MYO10: variants seen among roughly 807,000 people sequenced by gnomAD.
The protein encoded by MYO10 is myosin X.
A neutral mutation model predicts 257.3 loss-of-function variants in MYO10; 133 were observed. The ratio of observed to expected loss-of-function variants is 0.52; its 90% CI spans 0.45 to 0.60. MYO10 has a LOEUF of 0.60. Among genes scored for constraint, MYO10 ranks in the 20% least tolerant of loss-of-function variants. MYO10 has a pLI of 0.00. For synonymous variants in MYO10, 1,104 were observed against 1,028.6 expected (o/e 1.07, Z -1.40); for missense variants, 2,399 against 2,635.7 (o/e 0.91, Z 1.97).
At chr5:16,813,803 A>G (rs1580019009) in intron 3 of MYO10, among the ~76,000 whole-genome samples, 2 of 152,272 alleles carry the variant, frequency 1.3e-5, no homozygotes, top group South Asian at 2.1e-4. Flanking sequence ...AGTCAGAGAG[A>G]GAGAAAGAAG....
rs995325611 is a variant in MYO10 at position 16,741,946 on chromosome 5, G to A, written c.1929+12882C>T. ...GTGTTCCCAGCCTTTTATGTGGTGC[G>A]TCTCGGGCTGTGCTGCTTAATTCAT... On this transcript the variant is annotated intron_variant, in intron 19 of 40. Coordinates refer to ENST00000513610, the MANE Select transcript of MYO10 (RefSeq NM_012334.3). 15 of 985,340 alleles carry A rather than the reference G, an allele frequency of 1.5e-5. No individual in the cohort carries two copies. The African/African-American group carries it at 1.6e-4, about 10-fold the overall frequency. 61.0% of individuals were successfully genotyped at this position (985,340 alleles called of 1,614,324 possible).
At chr5:16,835,848 A>T (rs1396532552) in intron 2 of MYO10, among the ~76,000 whole-genome samples, 2 of 152,028 alleles carry the variant, frequency 1.3e-5, no homozygotes, top group Non-Finnish European at 2.9e-5. Flanking sequence ...AAAAACATTA[A>T]TATCATGCTC....
At chr5:16,883,066 C>A (rs1407028002) in intron 1 of MYO10, among the ~76,000 whole-genome samples, 3 of 151,928 alleles carry the variant, frequency 2.0e-5, no homozygotes, top group Admixed American at 2.0e-4. Context: ...CAGGTGCCCA[C>A]CACCACGCCT....
chr5:16,741,071 T>C (rs1199327292), intron 19 of MYO10, among the ~76,000 whole-genome samples: 1 of 152,214 alleles, frequency 6.6e-6, no homozygotes, highest in Non-Finnish European at 1.5e-5. Flanking sequence ...CCAGGGCACA[T>C]TTAGCAACTG....
In MYO10 at chr5:16,680,089, G is replaced by A. The variant is rs755760482; in HGVS notation, c.4400C>T (p.Thr1467Ile). 5.6e-6 allele frequency: 9 copies of A among 1,612,160 alleles called. No individual in the cohort carries two copies. In the Admixed American group the frequency reaches 1.2e-4, roughly 21 times the overall value. ...GTAACAGTGCTTGCGCCCGTACACGGTGACGTTCCAGTAGCCTGCAATGGC... is the reference window on the plus strand; with the variant it reads ...GTAACAGTGCTTGCGCCCGTACACGATGACGTTCCAGTAGCCTGCAATGGC... ...IFKETGYWNV[T>I]VYGRKHCYRL... Residue 1467 changes from threonine (T) to isoleucine (I), a missense_variant, in exon 33 of 41, where the codon ACC (threonine) becomes ATC (isoleucine). Coordinates refer to ENST00000513610, the MANE Select transcript of MYO10 (RefSeq NM_012334.3).
chr5:16,694,671 GACA>G, intron 26 of MYO10, 57 bp from the exon 27 acceptor site: 2 of 1,596,998 alleles, frequency 1.3e-6, no homozygotes, highest in Non-Finnish European at 1.7e-6. Flanking sequence ...CAAGTTGGAT[GACA>G]ACAACATGCA....
chr5:16,826,238 G>C (rs1742996898), intron 2 of MYO10, among the ~76,000 whole-genome samples: 1 of 151,918 alleles, frequency 6.6e-6, no homozygotes, highest in African/African-American at 2.4e-5. Context: ...TTTCTAGCTG[G>C]ATTGACCTCT....
chr5:16,804,859 T>C (rs894363067), intron 3 of MYO10, among the ~76,000 whole-genome samples: 3 of 152,030 alleles, frequency 2.0e-5, no homozygotes, highest in African/African-American at 7.2e-5. Flanking sequence ...AAGGCTGTAG[T>C]GAGCCATGAC....
At chr5:16,690,252 T>C (rs2126520899) in intron 27 of MYO10, among the ~76,000 whole-genome samples, 1 of 152,340 alleles carries the variant, frequency 6.6e-6, no homozygotes, top group Non-Finnish European at 1.5e-5. Context: ...TGGGAGAATA[T>C]GCATAGGTTA....
At chr5:16,820,602 GC>G (rs565692653) in intron 2 of MYO10, among the ~76,000 whole-genome samples, 178 of 152,180 alleles carry the variant, frequency 1.2e-3, no homozygotes, top group African/African-American at 4.2e-3. Flanking sequence ...TCCCTCTCCA[GC>G]CCCTGCAAAC....
intron 1 of MYO10, among the ~76,000 whole-genome samples, chr5:16,899,381 T>A (rs918464494): frequency 2.0e-5 from 3 of 151,960 alleles, no homozygotes; most frequent in Non-Finnish European, 4.4e-5. Flanking sequence ...ACGCCTGTAA[T>A]CCCGGCACTT....
At chr5:16,762,390 A>G (rs904978314) in intron 15 of MYO10, among the ~76,000 whole-genome samples, 155 bp downstream of exon 15, 1 of 152,194 alleles carries the variant, frequency 6.6e-6, no homozygotes, top group African/African-American at 2.4e-5. Context: ...GCTTATTTCA[A>G]TTTAGTTCTA....
chr5:16,769,343 T>C, intron 9 of MYO10, 140 bp from the exon 10 acceptor site: 1 of 995,700 alleles, frequency 1.0e-6, no homozygotes, highest in Non-Finnish European at 1.4e-6. Context: ...CACTCACTTG[T>C]TTTTTTGTTT....
At chr5:16,827,564 G>A (rs1328532761) in intron 2 of MYO10, among the ~76,000 whole-genome samples, 1 of 152,212 alleles carries the variant, frequency 6.6e-6, no homozygotes, top group Non-Finnish European at 1.5e-5. Flanking sequence ...TGGGATTACA[G>A]GCGTGAGCCA....
intron 3 of MYO10, among the ~76,000 whole-genome samples, chr5:16,805,164 G>T (rs1414800721): frequency 1.3e-5 from 2 of 151,988 alleles, no homozygotes; most frequent in Non-Finnish European, 2.9e-5. Flanking sequence ...CAAAGATAAA[G>T]TGTGGTAAGA....
rs1422920540 is a variant in MYO10 at position 16,902,659 on chromosome 5, G to C, written c.22-24952C>G. ...TTTGTCATCTTGGAAGCATGGACCG[G>C]AGAGAGGCCCGGCTAATTTTTTGTA... On this transcript the variant is annotated intron_variant, in intron 1 of 40. Coordinates refer to ENST00000513610, the MANE Select transcript of MYO10 (RefSeq NM_012334.3). 1.1e-5 allele frequency: 13 copies of C among 1,210,082 alleles called. No individual in the cohort carries two copies. In the East Asian group the frequency reaches 2.8e-4, roughly 26 times the overall value. 75.0% of individuals were successfully genotyped at this position (1,210,082 alleles called of 1,614,324 possible).
Position 16,689,825 on chromosome 5 carries a change from TG to T in MYO10, c.3894del (p.Ser1299AlafsTer7). The T allele has an allele frequency of 6.2e-7, 1 of 1,610,082 alleles. No homozygotes were observed. Among genetic ancestry groups the T allele is most frequent in the Non-Finnish European group, 8.5e-7 (1 of 1,176,424 alleles). Reference protein sequence around the residue: ...FHLIAESPEDASQWFSVLSQV... With the variant: ...FHLIAESPEDXSQWFSVLSQV... ...ACAAAGTCAACAGCGCAGACTCACC[TG>T]GCATCTTCTGGGGACTCTGCAATCA... On this transcript the variant is annotated frameshift_variant and splice_region_variant, in exon 28 of 41. Coordinates refer to ENST00000513610, the MANE Select transcript of MYO10 (RefSeq NM_012334.3). LOFTEE classifies it high-confidence loss of function.
intron 26 of MYO10, among the ~76,000 whole-genome samples, chr5:16,697,411 G>T (rs1369454080): frequency 2.6e-5 from 4 of 152,136 alleles, no homozygotes; most frequent in African/African-American, 9.7e-5. Context: ...GGAATAAAAG[G>T]GTTTTCATGG....
rs142310301 is a variant in MYO10, at chr5:16,700,964, G to A, written c.3431C>T (p.Ser1144Leu). The A allele has an allele frequency of 1.7e-5, 27 of 1,550,078 alleles. No individual in the cohort carries two copies. Among genetic ancestry groups the A allele is most frequent in the East Asian group, 2.4e-5 (1 of 41,062 alleles). ...GGGACACGCCAGGCAGGTACTTACCGAGGACTGCGCCCCCTCAGAGCTGAA... is the reference window on the plus strand; with the variant it reads ...GGGACACGCCAGGCAGGTACTTACCAAGGACTGCGCCCCCTCAGAGCTGAA... Reference protein sequence around the residue: ...YRFSSEGAQSSFEDSEEDFDS... With the variant: ...YRFSSEGAQSLFEDSEEDFDS... Residue 1144 changes from serine to leucine, a missense_variant and splice_region_variant, in exon 25 of 41, where the codon TCG becomes TTG. By Grantham distance (145) the Ser-to-Leu change is moderately radical. This residue lies in a region of MYO10 where 1,820 missense variants were observed against 1,939.4 expected (regional missense o/e 0.94). Coordinates refer to ENST00000513610, the MANE Select transcript of MYO10 (RefSeq NM_012334.3).
Sources: gnomAD v4.1 joint callset for allele counts (sites outside exome capture counted in the v4.1 genomes callset) on GRCh38, gnomAD v4.1.1 for gene constraint, gnomAD v4.1.1 regional missense constraint, MANE v1.5 for transcripts, NCBI Gene and HGNC (gene_info 2026-07-23, HGNC 2026-07-21) for gene names.